ZNF679: variants seen among roughly 807,000 people sequenced by gnomAD.
ZNF679 encodes the protein hypothetical protein MGC42415.
Under a neutral mutation model 13.4 loss-of-function variants are expected in ZNF679, and 10 were observed. That is an observed-to-expected ratio of 0.75 (90% CI 0.46 to 1.27). The LOEUF (loss-of-function observed/expected upper bound fraction) is 1.27. Ranked by LOEUF, ZNF679 falls within the 50% of genes most tolerant of loss-of-function variation. The pLI is 0.00. For synonymous variants in ZNF679, 179 were observed against 162.5 expected (o/e 1.10, Z -0.77); for missense variants, 525 against 477.8 (o/e 1.10, Z -0.92).
At position 64,228,608 on chromosome 7, in the gene ZNF679, A is replaced by G. The variant is rs544758280; in HGVS notation, c.-135A>G. On this transcript the variant is annotated 5_prime_UTR_variant, in exon 1 of 5. Transcript: ENST00000421025. ...GGAAGGACCAGGAATAAATTTCACA[A>G]TTCTACGTATTTCCCAGCTTTAGGT... 15 of 152,348 alleles carry G rather than the reference A, an allele frequency of 9.8e-5. No individual in the cohort carries two copies. In the East Asian group the frequency reaches 2.9e-3, roughly 29 times the overall value. 9.4% of individuals were successfully genotyped at this position (152,348 alleles called of 1,614,324 possible).
intron 2 of ZNF679, among the ~76,000 whole-genome samples, chr7:64,253,024 T>C (rs566222595): frequency 2.0e-5 from 3 of 152,284 alleles, no homozygotes; most frequent in Non-Finnish European, 2.9e-5. Flanking sequence ...GGCCCTGTTA[T>C]CTTGATTTCT....
At chr7:64,235,098 G>A (rs971068741) in intron 1 of ZNF679, among the ~76,000 whole-genome samples, 34 of 152,144 alleles carry the variant, frequency 2.2e-4, no homozygotes, top group African/African-American at 7.7e-4. Context: ...TCAGCCTCCC[G>A]AAGTGCTGGG....
intron 2 of ZNF679, among the ~76,000 whole-genome samples, chr7:64,252,744 G>A (rs1024929492): frequency 1.3e-5 from 2 of 152,192 alleles, no homozygotes; most frequent in Non-Finnish European, 2.9e-5. Context: ...TTGAGACGGA[G>A]TCTCACTCTG....
intron 1 of ZNF679, among the ~76,000 whole-genome samples, chr7:64,238,570 T>C (rs1402837102): frequency 1.3e-5 from 2 of 152,094 alleles, no homozygotes; most frequent in East Asian, 1.9e-4. Flanking sequence ...GTATTGTTAG[T>C]AGAGACAGGG....
At chr7:64,256,748 A>G in intron 2 of ZNF679, among the ~76,000 whole-genome samples, 1 of 141,776 alleles carries the variant, frequency 7.1e-6, no homozygotes, top group African/African-American at 2.7e-5. Context: ...CCCAGGCTGG[A>G]GTGCAGTGGC....
intron 1 of ZNF679, among the ~76,000 whole-genome samples, chr7:64,237,839 C>A (rs767104938): frequency 2.6e-5 from 4 of 151,994 alleles, no homozygotes; most frequent in Non-Finnish European, 5.9e-5. Flanking sequence ...TTTGATAGAA[C>A]TTTACCAGGT....
intron 1 of ZNF679, among the ~76,000 whole-genome samples, chr7:64,245,586 T>A (rs1475045249): frequency 1.3e-5 from 2 of 152,130 alleles, no homozygotes; most frequent in Non-Finnish European, 2.9e-5. Context: ...GAAAGAATCT[T>A]TTTTGGCAGT....
At chr7:64,248,179 A>G (rs1405545587) in intron 1 of ZNF679, among the ~76,000 whole-genome samples, 1 of 152,086 alleles carries the variant, frequency 6.6e-6, no homozygotes, top group Non-Finnish European at 1.5e-5. Flanking sequence ...CACATTTTAA[A>G]ATATCTTGAG....
intron 2 of ZNF679, among the ~76,000 whole-genome samples, chr7:64,251,226 C>T (rs999701917): frequency 6.6e-6 from 1 of 152,024 alleles, no homozygotes; most frequent in African/African-American, 2.4e-5. Flanking sequence ...GACCAAGGTG[C>T]AGATCACTTG....
intron 2 of ZNF679, among the ~76,000 whole-genome samples, chr7:64,251,598 A>G (rs1202279500): frequency 6.6e-6 from 1 of 152,200 alleles, no homozygotes; most frequent in African/African-American, 2.4e-5. Flanking sequence ...GGGAAACCCT[A>G]CAGGGTAATG....
At position 64,238,153 on chromosome 7, in the gene ZNF679, T is replaced by C. The variant is rs142139553; in HGVS notation, c.-91+9501T>C. On this transcript the variant is annotated intron_variant, in intron 1 of 4. Coordinates refer to ENST00000421025, the MANE Select transcript of ZNF679 (RefSeq NM_153363.3). ...AAGTTTTTATCTTTCCCCCAGACCC[T>C]TGGACTCTGCTCCACCTCCAGTCTG... Among the ~76,000 whole-genome samples the C allele has an allele frequency of 3.1e-3, 470 of 152,238 alleles. 7 individuals are homozygous for C. Among genetic ancestry groups the C allele is most frequent in the African/African-American group, 0.011 (440 of 41,558 alleles).
intron 4 of ZNF679, among the ~76,000 whole-genome samples, chr7:64,261,715 G>A (rs2115607622): frequency 6.6e-6 from 1 of 152,006 alleles, no homozygotes; most frequent in South Asian, 2.1e-4. Flanking sequence ...TCTAATTGAT[G>A]TAAAGTAATT....
At chr7:64,259,069 G>A (rs1399945281) in intron 2 of ZNF679, among the ~76,000 whole-genome samples, 13 of 151,808 alleles carry the variant, frequency 8.6e-5, no homozygotes, top group Admixed American at 1.3e-4. Flanking sequence ...CTGCCACCAC[G>A]CCCAGCTAAT....
In ZNF679 at chr7:64,266,030, G is replaced by A. The variant is rs200084707; in HGVS notation, c.397G>A (p.Glu133Lys). ...LQVKTCKSMG[E>K]CEVQKGGCNE... ...AGTAAAAACATGTAAAAGCATGGGT[G>A]AGTGTGAGGTGCAAAAAGGAGGTTG... The change falls in exon 5 of 5, where the codon GAG becomes AAG. Residue 133 changes from glutamate (E) to lysine (K), a missense_variant. Physicochemically the swap from Glu to Lys is moderately conservative, Grantham distance 56 (BLOSUM62 1). Transcript: ENST00000421025. The A allele has an allele frequency of 6.8e-6, 11 of 1,613,408 alleles. No homozygotes were observed. In the South Asian group the frequency reaches 1.2e-4, roughly 18 times the overall value.
At chr7:64,240,720 C>T (rs546756806) in intron 1 of ZNF679, among the ~76,000 whole-genome samples, 3 of 152,298 alleles carry the variant, frequency 2.0e-5, no homozygotes, top group African/African-American at 7.2e-5. Context: ...ACCCAGCTCA[C>T]AGGAACAGTA....
intron 2 of ZNF679, among the ~76,000 whole-genome samples, chr7:64,258,943 C>G (rs1223074901): frequency 6.6e-6 from 1 of 151,810 alleles, no homozygotes; most frequent in African/African-American, 2.4e-5. Context: ...CGAGTTTTCA[C>G]TCTTGTCCCC....
intron 1 of ZNF679, among the ~76,000 whole-genome samples, chr7:64,248,014 G>GC (rs1437234611): frequency 1.3e-5 from 2 of 151,956 alleles, no homozygotes; most frequent in African/African-American, 2.4e-5. Context: ...ACCTCAGACT[G>GC]CGTACTTTTT....
At position 64,228,491 on chromosome 7, in the gene ZNF679, T is replaced by C. The variant is rs1787590200; in HGVS notation, c.-252T>C. 1 of 152,242 alleles carries C rather than the reference T, an allele frequency of 6.6e-6. No individual in the cohort carries two copies. The highest frequency in any genetic ancestry group is 1.5e-5 in the Non-Finnish European group (1 of 68,050). 9.4% of individuals were successfully genotyped at this position (152,242 alleles called of 1,614,324 possible). A position where few individuals can be genotyped will look rare whatever the true frequency, so the allele number is the denominator to read the frequency against. ...ATCACCTAGGTACTTGATCCAGGTATATGTCACATTCCCAACTGTTGGCTG... is the reference window on the plus strand; with the variant it reads ...ATCACCTAGGTACTTGATCCAGGTACATGTCACATTCCCAACTGTTGGCTG... On this transcript the variant is annotated 5_prime_UTR_variant, in exon 1 of 5. Transcript: ENST00000421025.
At chr7:64,257,312 T>C (rs1244703803) in intron 2 of ZNF679, among the ~76,000 whole-genome samples, 5 of 152,218 alleles carry the variant, frequency 3.3e-5, no homozygotes, top group Non-Finnish European at 5.9e-5. Context: ...CAAAACTTTT[T>C]TTATTTCTGC....
Sources: allele counts gnomAD v4.1 joint callset (sites outside exome capture counted in the v4.1 genomes callset), GRCh38; gene constraint gnomAD v4.1.1; transcripts MANE v1.5; gene names NCBI Gene and HGNC (gene_info 2026-07-23, HGNC 2026-07-21).